MDM2: variants seen among roughly 807,000 people sequenced by gnomAD.
MDM2 encodes MDM2 proto-oncogene.
MDM2 carries 11 observed loss-of-function variants against 64.3 expected under a neutral mutation model. The ratio of observed to expected loss-of-function variants is 0.17; its 90% CI spans 0.11 to 0.28. The LOEUF is 0.28. Ranked by LOEUF, MDM2 falls within the 10% of genes least tolerant of loss-of-function variation. The pLI is 1.00. For synonymous variants in MDM2, 194 were observed against 192.9 expected (o/e 1.01, Z -0.05); for missense variants, 388 against 577.1 (o/e 0.67, Z 3.36).
Position 68,840,106 on chromosome 12 carries a change from GT to G in MDM2, c.*268del, listed in dbSNP as rs375628019. On this transcript the variant is annotated 3_prime_UTR_variant, in exon 11 of 11. Transcript: ENST00000258149. The stretch of plus-strand genomic sequence containing the variant: ...CTCTGTCTTAAATGAGAAGTACTTG[GT>G]TTTTTTTTTTCTTAAATATGTATAT... The G allele has an allele frequency of 0.019, 6,362 of 333,114 alleles. 40 individuals are homozygous for G. The highest frequency in any genetic ancestry group is 0.033 in the Middle Eastern group (37 of 1,128). 20.6% of individuals were successfully genotyped at this position (333,114 alleles called of 1,614,324 possible). A position where few individuals can be genotyped will look rare whatever the true frequency, so the allele number is the denominator to read the frequency against.
In MDM2 at chr12:68,843,934, G is replaced by C; in HGVS notation, c.*4085G>C. The C allele has an allele frequency of 4.7e-6, 1 of 211,444 alleles. No individual in the cohort carries two copies. Among genetic ancestry groups the C allele is most frequent in the Non-Finnish European group, 9.6e-6 (1 of 104,616 alleles). The allele number at this position is 211,444 out of a possible 1,614,324, so 13.1% of individuals were successfully genotyped here. On this transcript the variant is annotated 3_prime_UTR_variant, in exon 11 of 11. Coordinates refer to ENST00000258149, the MANE Select transcript of MDM2 (RefSeq NM_002392.6). ...TAGAATCTGTTTTTTTCCTTTGGAG[G>C]TCCTCAAAGCATTATTGGAGTTCAT...
chr12:68,818,237 A>G (rs1345129816), intron 4 of MDM2, among the ~76,000 whole-genome samples: 2 of 152,204 alleles, frequency 1.3e-5, no homozygotes, highest in Non-Finnish European at 2.9e-5. Context: ...TCAATAGTAT[A>G]GCTGAAAAGA....
Position 68,844,219 on chromosome 12 carries a change from A to G in MDM2, c.*4370A>G, listed in dbSNP as rs773409112. The G allele has an allele frequency of 4.7e-6, 1 of 210,794 alleles. No homozygotes were observed. The highest frequency in any genetic ancestry group is 1.9e-4 in the South Asian group (1 of 5,342). The allele number at this position is 210,794 out of a possible 1,614,324, so 13.1% of individuals were successfully genotyped here. A position where few individuals can be genotyped will look rare whatever the true frequency, so the allele number is the denominator to read the frequency against. On this transcript the variant is annotated 3_prime_UTR_variant, in exon 11 of 11. Transcript: ENST00000258149. ...AATTATTTGATCTTAAATTTTTATG[A>G]GTTGTTAAAATAGAAATTATTTGAA...
chr12:68,819,798 G>C (rs1170118425), intron 4 of MDM2, among the ~76,000 whole-genome samples: 1 of 152,176 alleles, frequency 6.6e-6, no homozygotes, highest in African/African-American at 2.4e-5. Context: ...CCCGGCCTCT[G>C]TTAATACGTT....
rs551508465 is a variant in MDM2, at chr12:68,835,717, C to T, written c.685-112C>T. The stretch of plus-strand genomic sequence containing the variant: ...CCGGATCAGAGCAGCAGGCCCATCC[C>T]CCAACTGTTACACCCTGCTGGCAGC... On this transcript the variant is annotated intron_variant, in intron 8 of 10. Transcript: ENST00000258149. The T allele has an allele frequency of 5.8e-6, 6 of 1,037,948 alleles. No individual in the cohort carries two copies. In the Admixed American group the frequency reaches 1.3e-4, roughly 23 times the overall value. The allele number at this position is 1,037,948 out of a possible 1,614,324, so 64.3% of individuals were successfully genotyped here. A position where few individuals can be genotyped will look rare whatever the true frequency, so the allele number is the denominator to read the frequency against.
chr12:68,822,414 T>G (rs955547802), intron 5 of MDM2, among the ~76,000 whole-genome samples: 3 of 152,028 alleles, frequency 2.0e-5, no homozygotes, highest in African/African-American at 7.3e-5. Context: ...TTATTTCCTT[T>G]TTTTTTAATT....
chr12:68,808,582 C>T (rs776281610), intron 1 of MDM2, 91 bp downstream of exon 1: 2 of 1,576,334 alleles, frequency 1.3e-6, no homozygotes, highest in Non-Finnish European at 1.7e-6. Flanking sequence ...CCGTTCGCAG[C>T]CTTTGTGCGG....
Position 68,844,029 on chromosome 12 carries a change from A to C in MDM2, c.*4180A>C. The C allele has an allele frequency of 4.8e-6, 1 of 207,342 alleles. No individual in the cohort carries two copies. Among genetic ancestry groups the C allele is most frequent in the Non-Finnish European group, 9.8e-6 (1 of 101,736 alleles). 12.8% of individuals were successfully genotyped at this position (207,342 alleles called of 1,614,324 possible). On this transcript the variant is annotated 3_prime_UTR_variant, in exon 11 of 11. Coordinates refer to ENST00000258149, the MANE Select transcript of MDM2 (RefSeq NM_002392.6). The stretch of plus-strand genomic sequence containing the variant: ...GTATCGGTAGCATAAATGTGATTAT[A>C]AACATAGTACACTTGATATATGGAG...
intron 7 of MDM2, among the ~76,000 whole-genome samples, chr12:68,825,561 G>A (rs1882243362): frequency 6.6e-6 from 1 of 152,198 alleles, no homozygotes; most frequent in African/African-American, 2.4e-5. Flanking sequence ...GCTGAGGCAG[G>A]AGAATGGCAT....
At position 68,839,807 on chromosome 12, in the gene MDM2, T is replaced by C. The variant is rs1205716399; in HGVS notation, c.1452T>C (p.Cys484=). ...AAAGGAATAAGCCCTGCCCAGTATGTAGACAACCAATTCAAATGATTGTGC... is the reference window on the plus strand; with the variant it reads ...AAAGGAATAAGCCCTGCCCAGTATGCAGACAACCAATTCAAATGATTGTGC... ...LKKRNKPCPV[C]RQPIQMIVLT... Residue 484 remains cysteine (C), a synonymous_variant, in exon 11 of 11, where the codon TGT becomes TGC. Transcript: ENST00000258149. The C allele has an allele frequency of 1.2e-6, 2 of 1,614,016 alleles. No individual in the cohort carries two copies. Among genetic ancestry groups the C allele is most frequent in the Non-Finnish European group, 1.7e-6 (2 of 1,180,032 alleles).
In MDM2 at chr12:68,835,925, G is replaced by C. The variant is rs549965230; in HGVS notation, c.781G>C (p.Asp261His). The change falls in exon 9 of 11, where the codon GAC becomes CAC. Residue 261 changes from aspartate (D) to histidine (H), a missense_variant. Asp to His is a moderately conservative substitution (Grantham distance 81). Transcript: ENST00000258149. ...TGTAGAATTTGAAGTTGAATCTCTCGACTCAGAAGATTATAGCCTTAGTGA... is the reference window on the plus strand; with the variant it reads ...TGTAGAATTTGAAGTTGAATCTCTCCACTCAGAAGATTATAGCCTTAGTGA... ...FSVEFEVESL[D>H]SEDYSLSEEG... The C allele has an allele frequency of 1.2e-6, 2 of 1,613,558 alleles. No individual in the cohort carries two copies. Among genetic ancestry groups the C allele is most frequent in the Non-Finnish European group, 1.7e-6 (2 of 1,179,650 alleles).
chr12:68,826,704 A>G (rs190274998), intron 7 of MDM2, among the ~76,000 whole-genome samples: 3 of 152,076 alleles, frequency 2.0e-5, no homozygotes, highest in Non-Finnish European at 2.9e-5. Flanking sequence ...ACATTATCCT[A>G]GTAACTCCAT....
intron 4 of MDM2, among the ~76,000 whole-genome samples, chr12:68,819,378 T>C (rs1342577739): frequency 6.6e-6 from 1 of 152,248 alleles, no homozygotes; most frequent in East Asian, 1.9e-4. Context: ...TACATTTCTG[T>C]TTCATTCTTT....
intron 5 of MDM2, among the ~76,000 whole-genome samples, chr12:68,820,941 T>A (rs538103355): frequency 3.9e-5 from 6 of 152,114 alleles, no homozygotes; most frequent in Non-Finnish European, 7.4e-5. Context: ...CAACCTACTT[T>A]CCATGAGAAA....
Position 68,809,304 on chromosome 12 carries a change from TG to T in MDM2, c.99+13del, listed in dbSNP as rs764486650. ...AACAAGAGACCCTGGTTAGTATTTT[TG>T]TCTCGTGTAACTTTTAAGAATAATT... On this transcript the variant is annotated intron_variant, in intron 2 of 10. Transcript: ENST00000258149. 5.3e-5 allele frequency: 85 copies of T among 1,610,236 alleles called. No homozygotes were observed. The highest frequency in any genetic ancestry group is 7.1e-5 in the Non-Finnish European group (84 of 1,176,714).
intron 5 of MDM2, among the ~76,000 whole-genome samples, chr12:68,822,216 A>G (rs552020374): frequency 2.0e-5 from 3 of 152,288 alleles, no homozygotes; most frequent in African/African-American, 4.8e-5. Flanking sequence ...ATCACACACT[A>G]TAGTGTTTTA....
intron 8 of MDM2, among the ~76,000 whole-genome samples, chr12:68,835,227 T>C (rs1592597501): frequency 6.6e-6 from 1 of 152,190 alleles, no homozygotes; most frequent in Admixed American, 6.5e-5. Flanking sequence ...GACTATATAA[T>C]TCATTATTAT....
intron 4 of MDM2, among the ~76,000 whole-genome samples, chr12:68,819,833 G>A (rs1881701388): frequency 6.6e-6 from 1 of 152,196 alleles, no homozygotes; most frequent in African/African-American, 2.4e-5. Context: ...GGAAGTTGAA[G>A]CTTGATGAAA....
upstream of MDM2, chr12:68,808,174 A>G: frequency 2.0e-6 from 1 of 501,364 alleles, no homozygotes; most frequent in Non-Finnish European, 3.5e-6. Context: ...CTCGGGCGGT[A>G]GGGGGCGCGC....
Sources: allele counts gnomAD v4.1 joint callset (sites outside exome capture counted in the v4.1 genomes callset), GRCh38; gene constraint gnomAD v4.1.1; transcripts MANE v1.5; gene names NCBI Gene and HGNC (gene_info 2026-07-23, HGNC 2026-07-21).